Variants in HMCN1 observed in about 807,000 individuals in gnomAD.
HMCN1 encodes hemicentin-1.
A neutral mutation model predicts 625.9 loss-of-function variants in HMCN1; 321 were observed. That is an observed-to-expected ratio of 0.51 (90% CI 0.47 to 0.56). HMCN1 has a LOEUF of 0.56. HMCN1 is among the 20% of genes least tolerant of loss of function. HMCN1 has a pLI of 0.00. For missense variants in HMCN1, 6,588 were observed against 6,887.3 expected, an observed-to-expected ratio of 0.96 and a Z score of 1.54; for synonymous variants, 2,425 against 2,417.6, an observed-to-expected ratio of 1.00 and a Z score of -0.09.
At chr1:185,864,138 G>T (rs1287453368) in intron 2 of HMCN1, among the ~76,000 whole-genome samples, 1 of 152,180 alleles carries the variant, frequency 6.6e-6, no homozygotes, top group Admixed American at 6.5e-5. Context: ...AATAAGCAAG[G>T]TCATCAAATA....
In HMCN1 at chr1:186,103,508, A is replaced by G. The variant is rs751216288; in HGVS notation, c.10610A>G (p.Glu3537Gly). The G allele has an allele frequency of 3.7e-6, 6 of 1,613,604 alleles. No homozygotes were observed. In the South Asian group the frequency reaches 6.6e-5, roughly 18 times the overall value. ...ATTAATGGATCTGAAGAACATGAAG[A>G]GATATCAGTAATTGTTAATAACCCA... is the stretch of plus-strand genomic sequence containing the variant. The part of the protein sequence containing the change: ...PHINGSEEHE[E>G]ISVIVNNPLE... Residue 3537 changes from glutamate (E) to glycine (G), a missense_variant, in exon 69 of 107, where the codon GAG (glutamate) becomes GGG (glycine). Physicochemically the swap from Glu to Gly is moderately conservative, Grantham distance 98. Around this residue, in one of 3 missense-constraint regions of HMCN1, gnomAD observed 4,628 missense variants for 4,853.1 expected, o/e 0.95. Transcript: ENST00000271588.
chr1:186,021,705 T>C (rs1285182367), intron 35 of HMCN1, among the ~76,000 whole-genome samples: 1 of 152,004 alleles, frequency 6.6e-6, no homozygotes, highest in East Asian at 1.9e-4. Context: ...GGGGTCAGAA[T>C]GTGGTGAGCC....
intron 1 of HMCN1, among the ~76,000 whole-genome samples, chr1:185,823,000 C>G (rs896178426): frequency 2.0e-5 from 3 of 152,138 alleles, no homozygotes; most frequent in Non-Finnish European, 2.9e-5. Context: ...CTCTTTCACT[C>G]TCCCTTCCTT....
chr1:185,958,292 T>C (rs1177996228), intron 11 of HMCN1, among the ~76,000 whole-genome samples: 2 of 152,158 alleles, frequency 1.3e-5, no homozygotes, highest in African/African-American at 4.8e-5. Context: ...TTAATTTTTC[T>C]ATTTTTAGTA....
At chr1:186,108,319 C>T (rs1660718696) in intron 70 of HMCN1, 142 bp from the exon 71 acceptor site, 3 of 1,313,824 alleles carry the variant, frequency 2.3e-6, no homozygotes, top group Non-Finnish European at 3.1e-6. Context: ...ACACTTCCCA[C>T]TGTTTGTAAT....
rs1650734368 is a variant in HMCN1 at position 185,970,443 on chromosome 1, C to T, written c.2321C>T (p.Ala774Val). ...GATGCTGGCGATTATACCTGTGTAG[C>T]CATCAATGAGGCTGGAAGAGCAACT... ...DLDAGDYTCV[A>V]INEAGRATGK... Residue 774 changes from alanine to valine, a missense_variant, in exon 15 of 107, where the codon GCC (alanine) becomes GTC (valine). Physicochemically the swap from Ala to Val is moderately conservative, Grantham distance 64. Coordinates refer to ENST00000271588, the MANE Select transcript of HMCN1 (RefSeq NM_031935.3). 1 of 1,613,788 alleles carries T rather than the reference C, an allele frequency of 6.2e-7. No homozygotes were observed. The highest frequency in any genetic ancestry group is 2.2e-5 in the East Asian group (1 of 44,858).
At chr1:186,167,056 A>C in intron 100 of HMCN1, 114 bp downstream of exon 100, 1 of 1,327,712 alleles carries the variant, frequency 7.5e-7, no homozygotes, top group East Asian at 2.4e-5. Context: ...ACCACATAAA[A>C]GGGAGAGAAT....
At position 185,797,794 on chromosome 1, in the gene HMCN1, G is replaced by A. The variant is rs1020432669; in HGVS notation, c.269-48232G>A. 3.7e-4 allele frequency among the ~76,000 whole-genome samples: 52 copies of A among 141,078 alleles called. 3 individuals carry two copies. The highest frequency in any genetic ancestry group is 5.8e-4 in the Non-Finnish European group (39 of 67,612). 92.6% of individuals were successfully genotyped at this position (141,078 alleles called of 152,430 possible). A position where few individuals can be genotyped will look rare whatever the true frequency, so the allele number is the denominator to read the frequency against. On this transcript the variant is annotated intron_variant, in intron 1 of 106. Coordinates refer to ENST00000271588, the MANE Select transcript of HMCN1 (RefSeq NM_031935.3). ...ATCCCGGCTAAAACGGTGAAACCCC[G>A]TCTCTACTAAAAATACAAAAAATTA...
intron 11 of HMCN1, among the ~76,000 whole-genome samples, chr1:185,948,447 AG>A (rs1405692747): frequency 1.4e-5 from 2 of 142,666 alleles, no homozygotes; most frequent in African/African-American, 2.7e-5. Context: ...TTACAGTCAA[AG>A]GGGGGTTGTT....
rs1350094050 is a variant in HMCN1 at position 186,166,279 on chromosome 1, G to A, written c.15415G>A (p.Ala5139Thr). Residue 5139 changes from alanine (A) to threonine (T), a missense_variant, in exon 99 of 107, where the codon GCT becomes ACT. Coordinates refer to ENST00000271588, the MANE Select transcript of HMCN1 (RefSeq NM_031935.3). ...YCSCPKGLTI[A>T]ADGRTCQDID... is the part of the protein sequence containing the mutation. ...CTCCTGCCCTAAAGGCCTCACCATA[G>A]CTGCAGATGGAAGAACTTGTCAAGG... 1 of 1,614,002 alleles carries A rather than the reference G, an allele frequency of 6.2e-7. No homozygotes were observed. Among genetic ancestry groups the A allele is most frequent in the African/African-American group, 1.3e-5 (1 of 74,928 alleles).
rs776175602 is a variant in HMCN1 at position 186,000,185 on chromosome 1, G to T, written c.4015G>T (p.Val1339Leu). 4 of 1,613,210 alleles carry T rather than the reference G, an allele frequency of 2.5e-6. No individual in the cohort carries two copies. Among genetic ancestry groups the T allele is most frequent in the Non-Finnish European group, 3.4e-6 (4 of 1,179,448 alleles). Residue 1339 changes from valine to leucine, a missense_variant, in exon 26 of 107, where the codon GTG becomes TTG. Physicochemically the swap from Val to Leu is conservative, Grantham distance 32. This residue lies in a region of HMCN1 where 4,628 missense variants were observed against 4,853.1 expected (regional missense o/e 0.95). Coordinates refer to ENST00000271588, the MANE Select transcript of HMCN1 (RefSeq NM_031935.3). ...TPYDNGEYIC[V>L]AVNEAGTTER... ...CTATGACAATGGGGAGTACATCTGT[G>T]TGGCAGTCAATGAAGCTGGAACCAC...
At chr1:186,079,391 C>T (rs886905267) in intron 55 of HMCN1, among the ~76,000 whole-genome samples, 7 of 152,200 alleles carry the variant, frequency 4.6e-5, no homozygotes, top group African/African-American at 1.4e-4. Flanking sequence ...TCTGGGCACA[C>T]GCAAGCCATG....
At chr1:186,086,541 C>T (rs1289028618) in intron 58 of HMCN1, 134 bp downstream of exon 58, 2 of 896,752 alleles carry the variant, frequency 2.2e-6, no homozygotes, top group Non-Finnish European at 1.7e-6. Context: ...CCTCTCTTTG[C>T]CCATTTGTGG....
At chr1:186,128,401 T>G (rs1037008862) in intron 83 of HMCN1, 110 bp downstream of exon 83, 7 of 863,496 alleles carry the variant, frequency 8.1e-6, no homozygotes, top group Non-Finnish European at 1.3e-5. Flanking sequence ...ATTGATTGCT[T>G]TAAATGCTGT....
At chr1:186,141,410 T>G (rs1649952638) in intron 89 of HMCN1, among the ~76,000 whole-genome samples, 1 of 152,190 alleles carries the variant, frequency 6.6e-6, no homozygotes, top group Non-Finnish European at 1.5e-5. Context: ...ATTCTTTGAG[T>G]ACTTCCTTAC....
intron 48 of HMCN1, 108 bp downstream of exon 48, chr1:186,062,708 G>C (rs566095866): frequency 3.2e-4 from 232 of 736,454 alleles, no homozygotes; most frequent in Non-Finnish European, 4.9e-4. Flanking sequence ...TACAAGTGCG[G>C]TTTTGTTACA....
chr1:185,962,392 G>A (rs1230257173), intron 11 of HMCN1, 126 bp from the exon 12 acceptor site: 1 of 772,486 alleles, frequency 1.3e-6, no homozygotes, highest in Non-Finnish European at 2.3e-6. Flanking sequence ...ATCTGTGATG[G>A]GGTTCATCCA....
chr1:185,858,758 AT>A (rs1052222915), intron 2 of HMCN1, among the ~76,000 whole-genome samples: 7 of 149,474 alleles, frequency 4.7e-5, no homozygotes, highest in South Asian at 2.1e-4. Context: ...GCCAGCAGTA[AT>A]TTTTTTTTCT....
chr1:186,015,881 G>C, intron 31 of HMCN1, 77 bp from the exon 32 acceptor site: 2 of 1,352,506 alleles, frequency 1.5e-6, no homozygotes, highest in Non-Finnish European at 2.1e-6. Flanking sequence ...AAAAACAAAA[G>C]CTCTTCTTTA....
Sources: allele counts gnomAD v4.1 joint callset (sites outside exome capture counted in the v4.1 genomes callset), GRCh38; gene constraint gnomAD v4.1.1; regional missense constraint gnomAD v4.1.1; transcripts MANE v1.5; gene names NCBI Gene and HGNC (gene_info 2026-07-23, HGNC 2026-07-21).